ACOX1: variants seen among roughly 807,000 people sequenced by gnomAD.
The protein encoded by ACOX1 is peroxisomal acyl-coenzyme A oxidase 1.
In ACOX1, 41 loss-of-function variants were observed where a neutral mutation model predicts 75.5. The observed-to-expected ratio is 0.54, with a 90% CI of 0.42 to 0.70. ACOX1 has a LOEUF of 0.70. Among genes scored for constraint, ACOX1 ranks in the 30% least tolerant of loss-of-function variants. The pLI is 0.00. For missense variants in ACOX1, 630 were observed against 837.5 expected, an observed-to-expected ratio of 0.75 and a Z score of 3.06; for synonymous variants, 303 against 298.8, an observed-to-expected ratio of 1.01 and a Z score of -0.15.
Position 75,944,759 on chromosome 17 carries a change from A to T in ACOX1, c.*1989T>A, listed in dbSNP as rs908119827. ...ATGTCAGATTTAGATTTTTTTTTTG[A>T]GACGGAGTCTCGCTCAGCCACCCAG... On this transcript the variant is annotated 3_prime_UTR_variant, in exon 14 of 14. Transcript: ENST00000293217. The T allele has an allele frequency of 6.6e-6, 1 of 151,832 alleles. No homozygotes were observed. The highest frequency in any genetic ancestry group is 1.5e-5 in the Non-Finnish European group (1 of 67,970). The allele number at this position is 151,832 out of a possible 1,614,324, so 9.4% of individuals were successfully genotyped here.
chr17:75,958,423 C>T (rs1239874820), intron 3 of ACOX1, among the ~76,000 whole-genome samples: 5 of 147,252 alleles, frequency 3.4e-5, no homozygotes, highest in Admixed American at 6.7e-5. Context: ...AATCCCAGCA[C>T]TTTGGGAGGC....
intron 3 of ACOX1, among the ~76,000 whole-genome samples, chr17:75,959,286 C>CT (rs1477701291): frequency 2.6e-5 from 4 of 152,144 alleles, no homozygotes; most frequent in African/African-American, 9.6e-5. Context: ...AAAGAAGCAG[C>CT]TTTTACAGAA....
rs1459408791 is a variant in ACOX1, at chr17:75,957,627, A to G, written c.431-61T>C. 1.3e-5 allele frequency: 18 copies of G among 1,341,272 alleles called. No individual in the cohort carries two copies. The African/African-American group carries it at 1.9e-4, about 14-fold the overall frequency. The allele number at this position is 1,341,272 out of a possible 1,614,324, so 83.1% of individuals were successfully genotyped here. A position where few individuals can be genotyped will look rare whatever the true frequency, so the allele number is the denominator to read the frequency against. ...ATGGGGAAAAAAATAGGCACAAGGA[A>G]AAATTTCCTGCACAGTCCTTTAAAC... On this transcript the variant is annotated intron_variant, in intron 3 of 13. Coordinates refer to ENST00000293217, the MANE Select transcript of ACOX1 (RefSeq NM_004035.7).
At chr17:75,952,426 C>G (rs1275730308) in intron 7 of ACOX1, among the ~76,000 whole-genome samples, 1 of 151,724 alleles carries the variant, frequency 6.6e-6, no homozygotes, top group Non-Finnish European at 1.5e-5. Context: ...TCCCGAGTAG[C>G]TGGAATTACA....
chr17:75,953,918 C>T lies in ACOX1; in HGVS notation c.775-298G>A, dbSNP rs182192297. On this transcript the variant is annotated intron_variant, in intron 6 of 13. Coordinates refer to ENST00000293217, the MANE Select transcript of ACOX1 (RefSeq NM_004035.7). Reference sequence around the variant, plus strand: ...TGACAACTGTTTCTGATTTCACTGTCGCAGTAAAAGAAGCATCAGAGTGGG... The same window carrying T: ...TGACAACTGTTTCTGATTTCACTGTTGCAGTAAAAGAAGCATCAGAGTGGG... 4.3e-4 allele frequency among the ~76,000 whole-genome samples: 65 copies of T among 152,312 alleles called. 1 individual carries two copies. The highest frequency in any genetic ancestry group is 4.1e-3 in the Admixed American group (63 of 15,298).
chr17:75,958,178 C>A (rs1332226089), intron 3 of ACOX1, among the ~76,000 whole-genome samples: 12 of 138,888 alleles, frequency 8.6e-5, no homozygotes, highest in Admixed American at 8.5e-4. Context: ...CATGGTGAAA[C>A]CCGTCTCTAC....
At chr17:75,958,634 C>T (rs946423115) in intron 3 of ACOX1, among the ~76,000 whole-genome samples, 62 of 151,744 alleles carry the variant, frequency 4.1e-4, no homozygotes, top group Non-Finnish European at 7.4e-4. Flanking sequence ...CGGCGAAACC[C>T]CGTCTCTACT....
At position 75,965,579 on chromosome 17, in the gene ACOX1, G is replaced by A. The variant is rs896197736; in HGVS notation, c.270-5204C>T. ...AAGCAAGCTTAAATACCAAATACACGTATCTTGAAATGTAACAACAGTAGG... is the reference window on the plus strand; with the variant it reads ...AAGCAAGCTTAAATACCAAATACACATATCTTGAAATGTAACAACAGTAGG... On this transcript the variant is annotated intron_variant, in intron 2 of 13. Transcript: ENST00000293217. 4.2e-5 allele frequency among the ~76,000 whole-genome samples: 6 copies of A among 143,324 alleles called. No homozygotes were observed. In the East Asian group the frequency reaches 5.8e-4, roughly 14 times the overall value. The allele number at this position is 143,324 out of a possible 152,430, so 94.0% of individuals were successfully genotyped here. A position where few individuals can be genotyped will look rare whatever the true frequency, so the allele number is the denominator to read the frequency against.
rs1027912148 is a variant in ACOX1 at position 75,945,445 on chromosome 17, T to C, written c.*1303A>G. The C allele has an allele frequency of 6.6e-6, 1 of 152,196 alleles. No homozygotes were observed. Among genetic ancestry groups the C allele is most frequent in the African/African-American group, 2.4e-5 (1 of 41,422 alleles). The allele number at this position is 152,196 out of a possible 1,614,324, so 9.4% of individuals were successfully genotyped here. A position where few individuals can be genotyped will look rare whatever the true frequency, so the allele number is the denominator to read the frequency against. On this transcript the variant is annotated 3_prime_UTR_variant, in exon 14 of 14. Transcript: ENST00000293217. The stretch of plus-strand genomic sequence containing the variant: ...ACCAGTTCCCCAGGATAGATAGATA[T>C]TATGTCAGGTCCCAAGATAGGAGTT...
intron 2 of ACOX1, among the ~76,000 whole-genome samples, chr17:75,965,713 C>T (rs1423807205): frequency 6.6e-6 from 1 of 152,076 alleles, no homozygotes; most frequent in African/African-American, 2.4e-5. Context: ...CGAGCCCATA[C>T]TCTCAACTAC....
At chr17:75,967,850 C>A (rs942660549) in intron 2 of ACOX1, among the ~76,000 whole-genome samples, 2 of 150,640 alleles carry the variant, frequency 1.3e-5, no homozygotes, top group Non-Finnish European at 3.0e-5. Flanking sequence ...AAGCGATTCT[C>A]CTGCTTCAGC....
rs2065763810 is a variant in ACOX1, at chr17:75,950,391, CA to C, written c.1298+382del. Among the ~76,000 whole-genome samples, 1 of 152,084 alleles carries C rather than the reference CA, an allele frequency of 6.6e-6. No homozygotes were observed. Among genetic ancestry groups the C allele is most frequent in the Non-Finnish European group, 1.5e-5 (1 of 68,010 alleles). The stretch of plus-strand genomic sequence containing the variant: ...CTCCCAAGTAGGCCGGGATTACAGG[CA>C]ATGTGCCATCATGCCCGGCTAATTT... On this transcript the variant is annotated intron_variant, in intron 9 of 13. Transcript: ENST00000293217. The surrounding 1 kb of genome is among the most constrained non-coding windows in gnomAD (Gnocchi z 4.3).
At chr17:75,959,993 G>C (rs1482590958) in intron 3 of ACOX1, among the ~76,000 whole-genome samples, 1 of 152,092 alleles carries the variant, frequency 6.6e-6, no homozygotes, top group African/African-American at 2.4e-5. Context: ...CCTCTGAAGG[G>C]GAACTATGGT....
intron 2 of ACOX1, among the ~76,000 whole-genome samples, chr17:75,974,491 G>T (rs1461870274): frequency 6.6e-6 from 1 of 152,148 alleles, no homozygotes; most frequent in Non-Finnish European, 1.5e-5. Context: ...GTTGGCCTTG[G>T]CTGTGCTGTG....
chr17:75,968,301 T>C (rs1273666581), intron 2 of ACOX1, among the ~76,000 whole-genome samples: 1 of 146,888 alleles, frequency 6.8e-6, no homozygotes, highest in East Asian at 2.0e-4. Flanking sequence ...CCGGGCGTAG[T>C]GGCGGGCGCC....
In ACOX1 at chr17:75,946,242, C is replaced by G. The variant is rs2065719197; in HGVS notation, c.*506G>C. The G allele has an allele frequency of 5.4e-6, 1 of 183,604 alleles. No individual in the cohort carries two copies. Among genetic ancestry groups the G allele is most frequent in the Non-Finnish European group, 1.2e-5 (1 of 86,790 alleles). 11.4% of individuals were successfully genotyped at this position (183,604 alleles called of 1,614,324 possible). A position where few individuals can be genotyped will look rare whatever the true frequency, so the allele number is the denominator to read the frequency against. ...GTGCCAAGCAGAAACTCATTCGCATCAAGTTTTCCAATAAGTTTCCTTCCC... is the reference window on the plus strand; with the variant it reads ...GTGCCAAGCAGAAACTCATTCGCATGAAGTTTTCCAATAAGTTTCCTTCCC... On this transcript the variant is annotated 3_prime_UTR_variant, in exon 14 of 14. Coordinates refer to ENST00000293217, the MANE Select transcript of ACOX1 (RefSeq NM_004035.7).
In ACOX1 at chr17:75,960,143, T is replaced by G. The variant is rs2065874021; in HGVS notation, c.430+72A>C. 1 of 1,583,598 alleles carries G rather than the reference T, an allele frequency of 6.3e-7. No homozygotes were observed. The highest frequency in any genetic ancestry group is 1.7e-5 in the Admixed American group (1 of 59,680). On this transcript the variant is annotated intron_variant, in intron 3 of 13. Coordinates refer to ENST00000293217, the MANE Select transcript of ACOX1 (RefSeq NM_004035.7). The surrounding 1 kb of genome is among the most constrained non-coding windows in gnomAD (Gnocchi z 4.4). ...ACATCGACACACCATCGATGGCACA[T>G]GGTGGGCACTCCACACATGGTAAGC...
At chr17:75,976,930 G>A (rs748122173) in intron 2 of ACOX1, among the ~76,000 whole-genome samples, 3 of 150,676 alleles carry the variant, frequency 2.0e-5, no homozygotes, top group African/African-American at 7.3e-5. Context: ...AATGCTATAG[G>A]CCAAAATAAT....
At chr17:75,966,418 T>C (rs1447519945) in intron 2 of ACOX1, among the ~76,000 whole-genome samples, 1 of 148,808 alleles carries the variant, frequency 6.7e-6, no homozygotes, top group Non-Finnish European at 1.5e-5. Flanking sequence ...AATCACACCA[T>C]TGCACTCCAG....
Sources: gnomAD v4.1 joint callset for allele counts (sites outside exome capture counted in the v4.1 genomes callset) on GRCh38, gnomAD v4.1.1 for gene constraint, Gnocchi (gnomAD v3.1) non-coding constraint, MANE v1.5 for transcripts, NCBI Gene and HGNC (gene_info 2026-07-23, HGNC 2026-07-21) for gene names.